Variants in CIBAR1 observed in about 807,000 individuals in gnomAD.
CIBAR1 encodes CBY1 interacting BAR domain containing 1, also known as CBY1-interacting BAR domain-containing protein 1.
Under a neutral mutation model 44.0 loss-of-function variants are expected in CIBAR1, and 25 were observed. The observed-to-expected ratio is 0.57, with a 90% CI of 0.41 to 0.79. CIBAR1 has a LOEUF of 0.79. Ranked by LOEUF, CIBAR1 falls within the 30% of genes least tolerant of loss-of-function variation. The pLI is 0.00. For missense variants in CIBAR1, 278 were observed against 344.8 expected, an observed-to-expected ratio of 0.81 and a Z score of 1.53; for synonymous variants, 115 against 119.0, an observed-to-expected ratio of 0.97 and a Z score of 0.22.
At chr8:93,701,076 G>GC in intron 1 of CIBAR1, 148 bp from the exon 2 acceptor site, 1 of 1,479,472 alleles carries the variant, frequency 6.8e-7, no homozygotes, top group Non-Finnish European at 9.0e-7. Context: ...CCCATGGAGA[G>GC]CAGTCCGCGC....
chr8:93,714,213 T>G (rs1810946479), intron 6 of CIBAR1, among the ~76,000 whole-genome samples: 2 of 152,252 alleles, frequency 1.3e-5, no homozygotes, highest in South Asian at 4.1e-4. Context: ...TATTTTATAC[T>G]TCTTGTTGCT....
chr8:93,701,071 G>C, intron 1 of CIBAR1, 153 bp from the exon 2 acceptor site: 2 of 1,477,404 alleles, frequency 1.4e-6, no homozygotes, highest in Non-Finnish European at 9.0e-7. Context: ...AGGACCCCAT[G>C]GAGAGCAGTC....
chr8:93,722,613 C>A (rs972282259), intron 7 of CIBAR1, among the ~76,000 whole-genome samples: 26 of 152,084 alleles, frequency 1.7e-4, no homozygotes, highest in Admixed American at 7.9e-4. Context: ...TGGAAGGAAT[C>A]GCTTGAACCT....
At chr8:93,722,500 C>T (rs1811303838) in intron 7 of CIBAR1, among the ~76,000 whole-genome samples, 1 of 152,126 alleles carries the variant, frequency 6.6e-6, no homozygotes, top group South Asian at 2.1e-4. Flanking sequence ...AGTTCGAGAC[C>T]ATCCTGGCCA....
chr8:93,726,633 C>A, intron 8 of CIBAR1, 120 bp downstream of exon 8: 2 of 1,151,736 alleles, frequency 1.7e-6, no homozygotes, highest in Non-Finnish European at 2.5e-6. Context: ...GGACCTATTT[C>A]TTCTCTTCTA....
At chr8:93,717,900 A>G (rs1811095176) in intron 6 of CIBAR1, among the ~76,000 whole-genome samples, 1 of 152,186 alleles carries the variant, frequency 6.6e-6, no homozygotes, top group African/African-American at 2.4e-5. Flanking sequence ...ATCAACATGC[A>G]CATCTTCACT....
At chr8:93,717,098 C>T (rs1811063132) in intron 6 of CIBAR1, among the ~76,000 whole-genome samples, 2 of 152,244 alleles carry the variant, frequency 1.3e-5, no homozygotes, top group African/African-American at 2.4e-5. Context: ...AACCTCCTCC[C>T]TCAGCCTGCC....
intron 4 of CIBAR1, chr8:93,707,191 G>A (rs1810626168): frequency 4.8e-6 from 2 of 414,126 alleles, no homozygotes; most frequent in South Asian, 1.8e-5. Flanking sequence ...ACTCAAGTTG[G>A]TATATTATAG....
In CIBAR1 at chr8:93,729,460, C is replaced by G. The variant is rs1811701422; in HGVS notation, c.*1163C>G. On this transcript the variant is annotated 3_prime_UTR_variant, in exon 9 of 9. Coordinates refer to ENST00000518322, the MANE Select transcript of CIBAR1 (RefSeq NM_145269.5). ...TTGGTTGTACTTCGGGGGAAAACAACAGAGTTATTATTTTGCTGCTTACTA... is the reference window on the plus strand; with the variant it reads ...TTGGTTGTACTTCGGGGGAAAACAAGAGAGTTATTATTTTGCTGCTTACTA... The G allele has an allele frequency of 6.6e-6, 1 of 152,138 alleles. No homozygotes were observed. Among genetic ancestry groups the G allele is most frequent in the Non-Finnish European group, 1.5e-5 (1 of 68,000 alleles). 9.4% of individuals were successfully genotyped at this position (152,138 alleles called of 1,614,324 possible). A position where few individuals can be genotyped will look rare whatever the true frequency, so the allele number is the denominator to read the frequency against.
intron 6 of CIBAR1, among the ~76,000 whole-genome samples, chr8:93,711,524 G>A (rs545735285): frequency 1.3e-4 from 20 of 152,266 alleles, no homozygotes; most frequent in African/African-American, 4.3e-4. Flanking sequence ...AGGCTGTCCC[G>A]AGACAAATTC....
At position 93,713,044 on chromosome 8, in the gene CIBAR1, T is replaced by TC. The variant is rs1381341789; in HGVS notation, c.543+3169_543+3170insC. On this transcript the variant is annotated intron_variant, in intron 6 of 8. Coordinates refer to ENST00000518322, the MANE Select transcript of CIBAR1 (RefSeq NM_145269.5). ...TTCTCCTTTTTTTTCTTTTTTTTTT[T>TC]TTTTTCGAGACAGATTCTCGCTCTG... 2.3e-3 allele frequency among the ~76,000 whole-genome samples: 336 copies of TC among 147,316 alleles called. 16 individuals carry two copies. In the East Asian group the frequency reaches 0.054, roughly 24 times the overall value.
intron 6 of CIBAR1, chr8:93,716,017 A>G (rs1811022801): frequency 1.3e-5 from 2 of 152,196 alleles, no homozygotes; most frequent in African/African-American, 4.8e-5. Flanking sequence ...TAAACCTTGC[A>G]TAAGCACAGG....
intron 4 of CIBAR1, among the ~76,000 whole-genome samples, chr8:93,706,616 T>C (rs1375935881): frequency 6.6e-6 from 1 of 152,186 alleles, no homozygotes; most frequent in Non-Finnish European, 1.5e-5. Context: ...CAAACATTTT[T>C]CTGACTTGGA....
intron 5 of CIBAR1, among the ~76,000 whole-genome samples, chr8:93,708,645 G>T (rs1446030920): frequency 6.6e-6 from 1 of 152,170 alleles, no homozygotes; most frequent in Admixed American, 6.5e-5. Flanking sequence ...AATAGAAGCA[G>T]TGTAACATGG....
In CIBAR1 at chr8:93,702,692, G is replaced by A. The variant is rs984096341; in HGVS notation, c.262-928G>A. The stretch of plus-strand genomic sequence containing the variant: ...ATATTTGAATACTTGATGAGAAGTC[G>A]ATTTTTATTTTCCTAACATGTTTTA... On this transcript the variant is annotated intron_variant, in intron 2 of 8. Coordinates refer to ENST00000518322, the MANE Select transcript of CIBAR1 (RefSeq NM_145269.5). 8 of 236,184 alleles carry A rather than the reference G, an allele frequency of 3.4e-5. No individual in the cohort carries two copies. The South Asian group carries it at 3.6e-4, about 11-fold the overall frequency. 14.6% of individuals were successfully genotyped at this position (236,184 alleles called of 1,614,324 possible).
At chr8:93,716,091 T>G (rs1811026157) in intron 6 of CIBAR1, 1 of 152,280 alleles carries the variant, frequency 6.6e-6, no homozygotes, top group African/African-American at 2.4e-5. Flanking sequence ...TCACACAGTC[T>G]GTAGTATGGT....
At chr8:93,707,961 G>T (rs758505763) in intron 4 of CIBAR1, 50 bp from the exon 5 acceptor site, 2 of 1,322,078 alleles carry the variant, frequency 1.5e-6, no homozygotes, top group Non-Finnish European at 1.0e-6. Context: ...TATTGAAAAA[G>T]CTGTTATACT....
In CIBAR1 at chr8:93,728,977, C is replaced by G. The variant is rs529287696; in HGVS notation, c.*680C>G. Reference sequence around the variant, plus strand: ...GAAGGCTAATTTGGTGGAATGTTGCCTCATCATAGAACACCATAGATCATT... The same window carrying G: ...GAAGGCTAATTTGGTGGAATGTTGCGTCATCATAGAACACCATAGATCATT... On this transcript the variant is annotated 3_prime_UTR_variant, in exon 9 of 9. Transcript: ENST00000518322. 3 of 152,112 alleles carry G rather than the reference C, an allele frequency of 2.0e-5. No individual in the cohort carries two copies. In the East Asian group the frequency reaches 5.8e-4, roughly 29 times the overall value. The allele number at this position is 152,112 out of a possible 1,614,324, so 9.4% of individuals were successfully genotyped here.
chr8:93,726,404 A>C lies in CIBAR1; in HGVS notation c.668A>C (p.Asn223Thr). The C allele has an allele frequency of 6.2e-7, 1 of 1,612,896 alleles. No homozygotes were observed. Among genetic ancestry groups the C allele is most frequent in the Non-Finnish European group, 8.5e-7 (1 of 1,179,260 alleles). The change falls in exon 8 of 9, where the codon AAT (asparagine) becomes ACT (threonine). Residue 223 changes from asparagine to threonine, a missense_variant. Physicochemically the swap from Asn to Thr is moderately conservative, Grantham distance 65 (BLOSUM62 0). This residue lies in a region of CIBAR1 where 93 missense variants were observed against 108.9 expected (regional missense o/e 0.85). Transcript: ENST00000518322. ...DEDEDLEVFRNSLYAPDYSSR... is the reference protein window; with the variant it reads ...DEDEDLEVFRTSLYAPDYSSR... ...TTATCATTACAATAGGTTTTCCGAA[A>C]TTCTCTGTATGCACCAGATTATTCA...
Sources: gnomAD v4.1 joint callset for allele counts (sites outside exome capture counted in the v4.1 genomes callset) on GRCh38, gnomAD v4.1.1 for gene constraint, gnomAD v4.1.1 regional missense constraint, MANE v1.5 for transcripts, NCBI Gene and HGNC (gene_info 2026-07-23, HGNC 2026-07-21) for gene names.